Variants in TMEM170B observed in about 807,000 individuals in gnomAD.
TMEM170B encodes the protein transmembrane protein 170B.
In TMEM170B, 6 loss-of-function variants were observed where a neutral mutation model predicts 13.0. The ratio of observed to expected loss-of-function variants is 0.46; its 90% CI spans 0.25 to 0.91. The LOEUF (loss-of-function observed/expected upper bound fraction) is 0.91. TMEM170B is among the 40% of genes least tolerant of loss of function. The pLI is 0.17. For synonymous variants in TMEM170B, 61 were observed against 64.9 expected (o/e 0.94, Z 0.29); for missense variants, 138 against 165.2 (o/e 0.84, Z 0.90).
intron 1 of TMEM170B, among the ~76,000 whole-genome samples, chr6:11,547,808 GATC>G (rs1291336108): frequency 3.3e-5 from 5 of 151,802 alleles, no homozygotes; most frequent in Non-Finnish European, 7.4e-5. Context: ...ACATTTCTTC[GATC>G]TGAACCATTT....
At chr6:11,557,286 A>G (rs1759603433) in intron 1 of TMEM170B, among the ~76,000 whole-genome samples, 1 of 152,210 alleles carries the variant, frequency 6.6e-6, no homozygotes, top group African/African-American at 2.4e-5. Context: ...AAATTTTTAT[A>G]TTAAAATTTA....
intron 1 of TMEM170B, among the ~76,000 whole-genome samples, chr6:11,544,509 A>T (rs1223891570): frequency 6.6e-6 from 1 of 152,204 alleles, no homozygotes; most frequent in Non-Finnish European, 1.5e-5. Context: ...AATGTAATAT[A>T]TTAGGCTTTC....
chr6:11,567,578 G>A (rs1422256307), intron 2 of TMEM170B, among the ~76,000 whole-genome samples: 1 of 152,146 alleles, frequency 6.6e-6, no homozygotes, highest in East Asian at 1.9e-4. Flanking sequence ...AAATACTTGT[G>A]GGAAATGGGG....
chr6:11,547,184 A>T (rs1011551236), intron 1 of TMEM170B, among the ~76,000 whole-genome samples: 4 of 152,232 alleles, frequency 2.6e-5, no homozygotes, highest in African/African-American at 9.6e-5. Context: ...TATAGTTGCT[A>T]AGCCATTTTT....
At position 11,576,492 on chromosome 6, in the gene TMEM170B, A is replaced by G. The variant is rs1485923998; in HGVS notation, c.*931A>G. The G allele has an allele frequency of 6.6e-6, 1 of 152,146 alleles. No individual in the cohort carries two copies. The highest frequency in any genetic ancestry group is 2.4e-5 in the African/African-American group (1 of 41,432). The allele number at this position is 152,146 out of a possible 1,614,324, so 9.4% of individuals were successfully genotyped here. A position where few individuals can be genotyped will look rare whatever the true frequency, so the allele number is the denominator to read the frequency against. On this transcript the variant is annotated 3_prime_UTR_variant, in exon 3 of 3. Transcript: ENST00000379426. ...AAAACATCTTTATAACTAGTATCTC[A>G]GTGGGATTGTATTACGTGTTGCATA...
Position 11,575,479 on chromosome 6 carries a change from C to T in TMEM170B, c.317C>T (p.Pro106Leu). 6.2e-7 allele frequency: 1 copy of T among 1,613,504 alleles called. No homozygotes were observed. Among genetic ancestry groups the T allele is most frequent in the Non-Finnish European group, 8.5e-7 (1 of 1,179,618 alleles). ...IYRVAGKNMA[P>L]LEALVWGVGQ... Reference sequence around the variant, plus strand: ...AGAGTAGCTGGGAAGAACATGGCCCCTTTGGAAGCGCTGGTATGGGGCGTT... The same window carrying T: ...AGAGTAGCTGGGAAGAACATGGCCCTTTTGGAAGCGCTGGTATGGGGCGTT... Residue 106 changes from proline (P) to leucine (L), a missense_variant, in exon 3 of 3, where the codon CCT becomes CTT. Transcript: ENST00000379426. This position sits in a 1 kb window ranked among gnomAD's most constrained non-coding sequence, Gnocchi z 4.1.
intron 1 of TMEM170B, among the ~76,000 whole-genome samples, chr6:11,549,532 G>A (rs1759495096): frequency 6.6e-6 from 1 of 152,086 alleles, no homozygotes; most frequent in African/African-American, 2.4e-5. Flanking sequence ...GCGTAGTGGC[G>A]GGCACCTATA....
At chr6:11,544,595 A>G (rs536568861) in intron 1 of TMEM170B, among the ~76,000 whole-genome samples, 4 of 152,310 alleles carry the variant, frequency 2.6e-5, no homozygotes, top group Admixed American at 1.3e-4. Flanking sequence ...TAGAACTCCT[A>G]CCAAGTTCAG....
chr6:11,554,286 G>GT (rs1485908735), intron 1 of TMEM170B, among the ~76,000 whole-genome samples: 2 of 151,774 alleles, frequency 1.3e-5, no homozygotes, highest in Non-Finnish European at 2.9e-5. Flanking sequence ...ATCAAAAAAT[G>GT]TTTTTTTGTA....
intron 1 of TMEM170B, among the ~76,000 whole-genome samples, chr6:11,560,744 C>T (rs988348984): frequency 8.6e-5 from 13 of 151,970 alleles, no homozygotes; most frequent in African/African-American, 2.9e-4. Context: ...GGTCTTCTTC[C>T]ATTTGGTTAT....
intron 1 of TMEM170B, among the ~76,000 whole-genome samples, chr6:11,540,070 A>G (rs1759338662): frequency 1.3e-5 from 2 of 152,242 alleles, no homozygotes; most frequent in South Asian, 2.1e-4. Context: ...GCTAACGATC[A>G]TCTGAGCCTT....
intron 1 of TMEM170B, among the ~76,000 whole-genome samples, chr6:11,545,228 G>A (rs1355171315): frequency 6.6e-6 from 1 of 151,766 alleles, no homozygotes; most frequent in African/African-American, 2.4e-5. Context: ...AGCATTGGGA[G>A]GCTGGGAATT....
At chr6:11,567,210 G>A (rs759346841) in intron 2 of TMEM170B, among the ~76,000 whole-genome samples, 7 of 152,300 alleles carry the variant, frequency 4.6e-5, no homozygotes, top group Middle Eastern at 3.4e-3. Flanking sequence ...AGACTGGAGC[G>A]TGCCACATCT....
At chr6:11,541,453 G>T (rs1759359983) in intron 1 of TMEM170B, among the ~76,000 whole-genome samples, 1 of 152,152 alleles carries the variant, frequency 6.6e-6, no homozygotes, top group South Asian at 2.1e-4. Context: ...TTCTTTTGCA[G>T]CTTTCTCACA....
intron 2 of TMEM170B, among the ~76,000 whole-genome samples, chr6:11,566,172 G>A (rs1582145134): frequency 6.6e-6 from 1 of 152,124 alleles, no homozygotes; most frequent in African/African-American, 2.4e-5. Context: ...AAAAACAAAG[G>A]CATAAAAATA....
intron 2 of TMEM170B, among the ~76,000 whole-genome samples, chr6:11,569,365 T>C (rs1055082756): frequency 1.3e-5 from 2 of 152,198 alleles, no homozygotes; most frequent in African/African-American, 4.8e-5. Flanking sequence ...AAAGAAGTTA[T>C]CCTCCATTCC....
chr6:11,542,528 A>G (rs931376480), intron 1 of TMEM170B, among the ~76,000 whole-genome samples: 1 of 152,216 alleles, frequency 6.6e-6, no homozygotes, highest in Non-Finnish European at 1.5e-5. Flanking sequence ...AACCTCTACT[A>G]GGAAATAACT....
chr6:11,571,376 C>G (rs1371474066), intron 2 of TMEM170B, among the ~76,000 whole-genome samples: 1 of 152,100 alleles, frequency 6.6e-6, no homozygotes, highest in Admixed American at 6.6e-5. Context: ...GATCACATCA[C>G]TTTTCATTGG....
In TMEM170B at chr6:11,581,518, A is replaced by G. The variant is rs1759956379; in HGVS notation, c.*5957A>G. On this transcript the variant is annotated 3_prime_UTR_variant, in exon 3 of 3. Coordinates refer to ENST00000379426, the MANE Select transcript of TMEM170B (RefSeq NM_001100829.3). ...GTAACATGACTCCACCCTTTTTGGG[A>G]ATGTATTTAGGTGGATAACTGAAAC... The G allele has an allele frequency of 6.6e-6, 1 of 152,186 alleles. No homozygotes were observed. Among genetic ancestry groups the G allele is most frequent in the Non-Finnish European group, 1.5e-5 (1 of 68,016 alleles). The allele number at this position is 152,186 out of a possible 1,614,324, so 9.4% of individuals were successfully genotyped here. A position where few individuals can be genotyped will look rare whatever the true frequency, so the allele number is the denominator to read the frequency against.
Sources: gnomAD v4.1 joint callset for allele counts (sites outside exome capture counted in the v4.1 genomes callset) on GRCh38, gnomAD v4.1.1 for gene constraint, Gnocchi (gnomAD v3.1) non-coding constraint, MANE v1.5 for transcripts, NCBI Gene and HGNC (gene_info 2026-07-23, HGNC 2026-07-21) for gene names.